Variants in FRMPD4 observed in about 807,000 individuals in gnomAD.
FRMPD4 encodes the protein FERM and PDZ domain-containing protein 4.
A neutral mutation model predicts 94.1 loss-of-function variants in FRMPD4; 22 were observed. The ratio of observed to expected loss-of-function variants is 0.23; its 90% CI spans 0.17 to 0.33. The LOEUF is 0.33. Among genes scored for constraint, FRMPD4 ranks in the 10% least tolerant of loss-of-function variants. The pLI, the probability that FRMPD4 is intolerant of heterozygous loss-of-function variation, is 1.00. For synonymous variants in FRMPD4, 631 were observed against 548.6 expected, an observed-to-expected ratio of 1.15 and a Z score of -2.10; for missense variants, 1,111 against 1,339.9, an observed-to-expected ratio of 0.83 and a Z score of 2.67.
chrX:12,299,593 C>G (rs2054828613), intron 1 of FRMPD4, among the ~76,000 whole-genome samples: 1 of 110,269 alleles, frequency 9.1e-6, no homozygotes, highest in Non-Finnish European at 1.9e-5. Context: ...GTAAAGCACC[C>G]CAAGACACTT....
At chrX:12,458,873 C>T (rs1016154863) in intron 1 of FRMPD4, among the ~76,000 whole-genome samples, 1 of 111,113 alleles carries the variant, frequency 9.0e-6, no homozygotes, top group African/African-American at 3.3e-5. Context: ...ATAATGAATA[C>T]AGTGTTCCAA....
chrX:12,055,931 A>C, intron 3 of FRMPD4, among the ~76,000 whole-genome samples: 1 of 111,901 alleles, frequency 8.9e-6, no homozygotes, highest in Non-Finnish European at 1.9e-5. Flanking sequence ...TACAGAATTC[A>C]TAGGAGTTAT....
At chrX:12,440,281 C>A (rs1301279021) in intron 1 of FRMPD4, among the ~76,000 whole-genome samples, 1 of 111,831 alleles carries the variant, frequency 8.9e-6, no homozygotes, top group East Asian at 2.8e-4. Flanking sequence ...TATTTGCAAC[C>A]CTCCAGATAA....
At chrX:12,106,306 T>G (rs2055297059) in intron 3 of FRMPD4, among the ~76,000 whole-genome samples, 1 of 112,016 alleles carries the variant, frequency 8.9e-6, no homozygotes, top group South Asian at 3.7e-4. Context: ...TTTTGCCTGT[T>G]ATTACATAAT....
intron 1 of FRMPD4, among the ~76,000 whole-genome samples, chrX:12,366,489 T>A (rs889490229): frequency 9.0e-6 from 1 of 111,103 alleles, no homozygotes; most frequent in Non-Finnish European, 1.9e-5. Context: ...AGTTTCAGAG[T>A]CTAGGTGGGA....
At chrX:12,469,279 TCTCA>T (rs1175515844) in intron 1 of FRMPD4, among the ~76,000 whole-genome samples, 1 of 111,003 alleles carries the variant, frequency 9.0e-6, no homozygotes, top group Non-Finnish European at 1.9e-5. Context: ...TGAGACAGAG[TCTCA>T]CTGTCACCCA....
chrX:12,416,248 A>AAAT (rs754990538), intron 1 of FRMPD4, among the ~76,000 whole-genome samples: 3 of 109,538 alleles, frequency 2.7e-5, no homozygotes, highest in Non-Finnish European at 3.8e-5. Flanking sequence ...TTTTGGATAT[A>AAAT]AATAGTGATT....
intron 1 of FRMPD4, among the ~76,000 whole-genome samples, chrX:11,855,013 C>A (rs182430141): frequency 1.8e-5 from 2 of 111,951 alleles, no homozygotes; most frequent in Non-Finnish European, 3.8e-5. Context: ...GCTTGGACAA[C>A]CGGGCATTTC....
At chrX:12,042,687 A>T (rs2054763035) in intron 3 of FRMPD4, among the ~76,000 whole-genome samples, 1 of 111,146 alleles carries the variant, frequency 9.0e-6, no homozygotes, top group African/African-American at 3.3e-5. Flanking sequence ...CAATACACAC[A>T]TTTTCCTAGT....
chrX:12,586,370 C>T (rs763007397), intron 2 of FRMPD4, among the ~76,000 whole-genome samples: 6 of 112,611 alleles, frequency 5.3e-5, no homozygotes, highest in African/African-American at 1.6e-4. Context: ...GATCTAATGC[C>T]GAGGAGATAG....
At chrX:12,334,464 A>T (rs992591987) in intron 1 of FRMPD4, among the ~76,000 whole-genome samples, 1 of 111,471 alleles carries the variant, frequency 9.0e-6, no homozygotes, top group African/African-American at 3.3e-5. Context: ...AACTTACGTT[A>T]TGCAAACTTA....
intron 1 of FRMPD4, among the ~76,000 whole-genome samples, chrX:12,156,226 C>A (rs1477628588): frequency 1.1e-4 from 12 of 111,353 alleles, no homozygotes. Context: ...AGTAGTGGTC[C>A]CTCATTGACA....
chrX:12,582,688 C>T (rs1445423034), intron 2 of FRMPD4, among the ~76,000 whole-genome samples: 2 of 111,495 alleles, frequency 1.8e-5, no homozygotes, highest in Non-Finnish European at 3.8e-5. Context: ...GGAGTCATTC[C>T]ACCCCCTTAT....
At chrX:11,915,392 T>C (rs1361786503) in intron 3 of FRMPD4, among the ~76,000 whole-genome samples, 1 of 112,317 alleles carries the variant, frequency 8.9e-6, no homozygotes, top group East Asian at 2.8e-4. Context: ...GTTGAAGGTG[T>C]AGAAATGCTG....
At chrX:12,035,495 GT>G (rs1353448069) in intron 3 of FRMPD4, among the ~76,000 whole-genome samples, 1 of 112,053 alleles carries the variant, frequency 8.9e-6, no homozygotes, top group African/African-American at 3.2e-5. Context: ...TGTATTAACA[GT>G]TTGTATTGTA....
intron 3 of FRMPD4, among the ~76,000 whole-genome samples, chrX:12,089,201 G>A (rs1387681202): frequency 8.9e-6 from 1 of 111,916 alleles, no homozygotes; most frequent in Non-Finnish European, 1.9e-5. Context: ...TTCTTGTACT[G>A]TCAATCAGCA....
chrX:12,643,685 G>A (rs1001389473), intron 4 of FRMPD4, among the ~76,000 whole-genome samples: 3 of 111,984 alleles, frequency 2.7e-5, no homozygotes, highest in South Asian at 7.5e-4. Context: ...CAAATTTGTA[G>A]CTTGAGCCCT....
At chrX:12,160,389 T>C (rs1019455390) in intron 1 of FRMPD4, among the ~76,000 whole-genome samples, 2 of 111,856 alleles carry the variant, frequency 1.8e-5, no homozygotes, top group African/African-American at 6.5e-5. Context: ...CCTGCTTATA[T>C]GTGGATATGT....
chrX:12,421,390 T>C, intron 1 of FRMPD4, among the ~76,000 whole-genome samples: 1 of 58,400 alleles, frequency 1.7e-5, no homozygotes, highest in East Asian at 6.6e-4. Context: ...TAGGTTAGGC[T>C]TCCATGCTCA....
Sources: allele counts gnomAD v4.1 joint callset (sites outside exome capture counted in the v4.1 genomes callset), GRCh38; gene constraint gnomAD v4.1.1; transcripts MANE v1.5; gene names NCBI Gene and HGNC (gene_info 2026-07-23, HGNC 2026-07-21).